SNTB1: variants seen among roughly 807,000 people sequenced by gnomAD.
SNTB1 encodes the protein beta-1-syntrophin.
A neutral mutation model predicts 48.9 loss-of-function variants in SNTB1; 36 were observed. The ratio of observed to expected loss-of-function variants is 0.74; its 90% confidence interval spans 0.56 to 0.97. SNTB1 has a LOEUF of 0.97. SNTB1 is among the 50% of genes least tolerant of loss of function. The pLI, the probability that SNTB1 is intolerant of heterozygous loss-of-function variation, is 0.00. For synonymous variants in SNTB1, 299 were observed against 294.6 expected, an observed-to-expected ratio of 1.01 and a Z score of -0.15; for missense variants, 786 against 703.4, an observed-to-expected ratio of 1.12 and a Z score of -1.33.
intron 1 of SNTB1, among the ~76,000 whole-genome samples, chr8:120,772,976 G>T (rs917349236): frequency 6.6e-6 from 1 of 152,194 alleles, no homozygotes; most frequent in African/African-American, 2.4e-5. Context: ...ACAGATCACA[G>T]GAGGGAGGTA....
At chr8:120,709,156 C>G (rs1481391810) in intron 1 of SNTB1, among the ~76,000 whole-genome samples, 1 of 152,054 alleles carries the variant, frequency 6.6e-6, no homozygotes, top group Non-Finnish European at 1.5e-5. Flanking sequence ...TAGGATAAAG[C>G]ACCTAGAACT....
chr8:120,640,355 T>C (rs1817169108), intron 2 of SNTB1, among the ~76,000 whole-genome samples: 1 of 152,216 alleles, frequency 6.6e-6, no homozygotes, highest in East Asian at 1.9e-4. Context: ...CATTTCCTAA[T>C]TGAATACCCT....
chr8:120,637,915 T>C, intron 2 of SNTB1: 2 of 225,786 alleles, frequency 8.9e-6, no homozygotes, highest in South Asian at 1.5e-4. Flanking sequence ...AATGTAATTT[T>C]CTAAAGCTTC....
chr8:120,603,919 G>A (rs1053717970), intron 3 of SNTB1, among the ~76,000 whole-genome samples: 2 of 152,222 alleles, frequency 1.3e-5, no homozygotes, highest in Non-Finnish European at 2.9e-5. Context: ...CAGGGATGAT[G>A]AAGAAGAGGT....
intron 4 of SNTB1, among the ~76,000 whole-genome samples, chr8:120,572,890 G>A (rs1475887944): frequency 6.6e-6 from 1 of 152,146 alleles, no homozygotes; most frequent in Non-Finnish European, 1.5e-5. Context: ...ACTCCAGACT[G>A]GGTGACAAGA....
rs553710084 is a variant in SNTB1 at position 120,638,050 on chromosome 8, C to A, written c.789-5399G>T. ...CCCAATCTCTGAGATAAATTCTGTT[C>A]TCTTATTATCATCTACAATAATGTG... On this transcript the variant is annotated intron_variant, in intron 2 of 6. Coordinates refer to ENST00000517992, the MANE Select transcript of SNTB1 (RefSeq NM_021021.4). 22 of 159,860 alleles carry A rather than the reference C, an allele frequency of 1.4e-4. No individual in the cohort carries two copies. In the East Asian group the frequency reaches 4.1e-3, roughly 30 times the overall value. 9.9% of individuals were successfully genotyped at this position (159,860 alleles called of 1,614,324 possible).
chr8:120,727,078 CAG>C (rs1818769249), intron 1 of SNTB1, among the ~76,000 whole-genome samples: 1 of 152,100 alleles, frequency 6.6e-6, no homozygotes, highest in Non-Finnish European at 1.5e-5. Flanking sequence ...GGTTGGGAGA[CAG>C]AAGTAAGAGA....
chr8:120,740,278 A>G (rs1330365523), intron 1 of SNTB1, among the ~76,000 whole-genome samples: 1 of 152,220 alleles, frequency 6.6e-6, no homozygotes, highest in Non-Finnish European at 1.5e-5. Flanking sequence ...ATATAGAATG[A>G]AGCATCCAGG....
intron 3 of SNTB1, among the ~76,000 whole-genome samples, chr8:120,618,956 A>C (rs535532700): frequency 1.3e-5 from 2 of 152,288 alleles, no homozygotes; most frequent in Admixed American, 1.3e-4. Context: ...AATAACTAGC[A>C]ATTATGTTTA....
At chr8:120,618,138 T>C (rs1587035994) in intron 3 of SNTB1, among the ~76,000 whole-genome samples, 1 of 152,208 alleles carries the variant, frequency 6.6e-6, no homozygotes, top group Admixed American at 6.5e-5. Flanking sequence ...TTTAAGAGCT[T>C]TCTTAACCTC....
At chr8:120,775,886 T>TA (rs1554585898) in intron 1 of SNTB1, among the ~76,000 whole-genome samples, 4 of 152,118 alleles carry the variant, frequency 2.6e-5, no homozygotes, top group Non-Finnish European at 2.9e-5. Context: ...CGGTTCTTTT[T>TA]TTATTATTAT....
chr8:120,629,407 C>T (rs1397774668), intron 3 of SNTB1, among the ~76,000 whole-genome samples: 1 of 152,108 alleles, frequency 6.6e-6, no homozygotes, highest in African/African-American at 2.4e-5. Flanking sequence ...ACAACCTTGT[C>T]ACAGAGTGAC....
In SNTB1 at chr8:120,548,788, G is replaced by A. The variant is rs61762674; in HGVS notation, c.1307C>T (p.Ala436Val). The change falls in exon 5 of 7, where the codon GCT becomes GTT. Residue 436 changes from alanine to valine, a missense_variant. By Grantham distance (64) the Ala-to-Val change is moderately conservative. Transcript: ENST00000517992. ...RSIVQGCHNS[A>V]ELIAEISTAC... is the part of the protein sequence containing the mutation. ...AGTGCTGATTTCAGCAATGAGTTCA[G>A]CAGAATTGTGGCAACCCTGTACTAT... 8.4e-3 allele frequency: 13,492 copies of A among 1,614,080 alleles called. 82 individuals carry two copies. Among genetic ancestry groups the A allele is most frequent in the Non-Finnish European group, 0.01 (12,321 of 1,179,966 alleles).
chr8:120,636,378 G>A (rs1237888107), intron 2 of SNTB1, among the ~76,000 whole-genome samples: 2 of 134,532 alleles, frequency 1.5e-5, no homozygotes, highest in Non-Finnish European at 3.2e-5. Context: ...ATCTCCCGAT[G>A]CTATCCCTCC....
chr8:120,549,262 C>A (rs930241427), intron 4 of SNTB1, among the ~76,000 whole-genome samples: 1 of 152,186 alleles, frequency 6.6e-6, no homozygotes, highest in African/African-American at 2.4e-5. Context: ...GTGTAAAATT[C>A]TCTCTGAATA....
chr8:120,602,113 T>C (rs1423187626), intron 3 of SNTB1, among the ~76,000 whole-genome samples: 3 of 152,250 alleles, frequency 2.0e-5, no homozygotes, highest in Non-Finnish European at 4.4e-5. Flanking sequence ...TCATAAAGTT[T>C]TTGGTACAGT....
At chr8:120,689,502 T>G (rs1818090065) in intron 2 of SNTB1, among the ~76,000 whole-genome samples, 2 of 152,220 alleles carry the variant, frequency 1.3e-5, no homozygotes, top group African/African-American at 4.8e-5. Flanking sequence ...GAGTTCCCGC[T>G]ACCTATGATG....
chr8:120,771,143 C>G (rs1443989746), intron 1 of SNTB1, among the ~76,000 whole-genome samples: 1 of 152,170 alleles, frequency 6.6e-6, no homozygotes, highest in Non-Finnish European at 1.5e-5. Context: ...ATAAAACTAG[C>G]AGCTGTGTAT....
rs572476923 is a variant in SNTB1 at position 120,542,633 on chromosome 8, G to A, written c.1334-633C>T. ...TGCTCCACTGTACTCCAGCCTGGGC[G>A]ACAGAGCAAGACTCTGTCTCAAAAA... On this transcript the variant is annotated intron_variant, in intron 5 of 6. Transcript: ENST00000517992. Among the ~76,000 whole-genome samples, 15 of 152,022 alleles carry A rather than the reference G, an allele frequency of 9.9e-5. No homozygotes were observed. The South Asian group carries it at 2.7e-3, about 27-fold the overall frequency.
Sources: allele counts gnomAD v4.1 joint callset (sites outside exome capture counted in the v4.1 genomes callset), GRCh38; gene constraint gnomAD v4.1.1; transcripts MANE v1.5; gene names NCBI Gene and HGNC (gene_info 2026-07-23, HGNC 2026-07-21).